NFAT5: variants seen among roughly 807,000 people sequenced by gnomAD.
NFAT5 encodes nuclear factor of activated T-cells 5.
Under a neutral mutation model 166.5 loss-of-function variants are expected in NFAT5, and 31 were observed. The observed-to-expected ratio is 0.19, with a 90% CI of 0.14 to 0.25. The LOEUF is 0.25. Ranked by LOEUF, NFAT5 falls within the 10% of genes least tolerant of loss-of-function variation. The pLI is 1.00. For missense variants in NFAT5, 1,449 were observed against 1,821.8 expected (o/e 0.80, Z 3.72); for synonymous variants, 612 against 639.7 (o/e 0.96, Z 0.65).
rs965886980 is a variant in NFAT5, at chr16:69,566,622, G to C, written c.73+248G>C. Among the ~76,000 whole-genome samples, 1 of 152,032 alleles carries C rather than the reference G, an allele frequency of 6.6e-6. No homozygotes were observed. Among genetic ancestry groups the C allele is most frequent in the African/African-American group, 2.4e-5 (1 of 41,436 alleles). ...GGGGCCCAGATTCCGTCGGCCCCCGGGGCTCTGCGGCACCGGTCGCTTCTA... is the reference window on the plus strand; with the variant it reads ...GGGGCCCAGATTCCGTCGGCCCCCGCGGCTCTGCGGCACCGGTCGCTTCTA... On this transcript the variant is annotated intron_variant, in intron 1 of 14. Coordinates refer to ENST00000349945, the MANE Select transcript of NFAT5 (RefSeq NM_138713.4). This position sits in a 1 kb window ranked among gnomAD's most constrained non-coding sequence, Gnocchi z 5.7.
intron 13 of NFAT5, 65 bp from the exon 14 acceptor site, chr16:69,695,071 T>C: frequency 8.5e-7 from 1 of 1,171,596 alleles, no homozygotes; most frequent in Non-Finnish European, 1.2e-6. Flanking sequence ...TCAGATAGCT[T>C]CTATTTTTAA....
rs570479542 is a variant in NFAT5, at chr16:69,589,911, C to A, written c.127+21363C>A. On this transcript the variant is annotated intron_variant, in intron 2 of 14. Transcript: ENST00000349945. ...GTGGCTGACATCTGTGATCCCAGCA[C>A]TTTGGGAGGCCAGGGTGGGAGGATT... Among the ~76,000 whole-genome samples the A allele has an allele frequency of 3.9e-5, 6 of 152,226 alleles. 1 individual carries two copies. Among genetic ancestry groups the A allele is most frequent in the African/African-American group, 1.4e-4 (6 of 41,546 alleles).
chr16:69,658,120 A>C (rs1241357493), intron 6 of NFAT5, among the ~76,000 whole-genome samples: 2 of 151,628 alleles, frequency 1.3e-5, no homozygotes, highest in Non-Finnish European at 2.9e-5. Flanking sequence ...TAAATAAATA[A>C]ATACATATAG....
intron 11 of NFAT5, among the ~76,000 whole-genome samples, chr16:69,686,287 A>G (rs1447452570): frequency 6.6e-6 from 1 of 151,872 alleles, no homozygotes; most frequent in Non-Finnish European, 1.5e-5. Flanking sequence ...TGGGAGGTGG[A>G]GGCTACAGTG....
chr16:69,615,044 A>ATTT (rs1266471315), intron 2 of NFAT5, among the ~76,000 whole-genome samples: 1 of 121,188 alleles, frequency 8.3e-6, no homozygotes, highest in Non-Finnish European at 1.8e-5. Context: ...TCCCAGCTAA[A>ATTT]TTTTTTTTTT....
At position 69,669,879 on chromosome 16, in the gene NFAT5, A is replaced by G. The variant is rs867585589; in HGVS notation, c.1370-98A>G. On this transcript the variant is annotated intron_variant, in intron 7 of 14. Coordinates refer to ENST00000349945, the MANE Select transcript of NFAT5 (RefSeq NM_138713.4). ...AAAAATATTTATTACTCCTCCTTCA[A>G]TAAAGACAACTCATAGAACCGGATG... The G allele has an allele frequency of 4.4e-5, 47 of 1,073,580 alleles. No homozygotes were observed. In the Middle Eastern group the frequency reaches 1.7e-3, roughly 39 times the overall value. The allele number at this position is 1,073,580 out of a possible 1,614,324, so 66.5% of individuals were successfully genotyped here. A position where few individuals can be genotyped will look rare whatever the true frequency, so the allele number is the denominator to read the frequency against.
intron 2 of NFAT5, among the ~76,000 whole-genome samples, chr16:69,584,118 C>T (rs539832334): frequency 5.9e-5 from 9 of 151,982 alleles, no homozygotes; most frequent in Admixed American, 1.3e-4. Flanking sequence ...GCCAGCTACT[C>T]GGGAGGTTGA....
intron 2 of NFAT5, among the ~76,000 whole-genome samples, chr16:69,574,728 G>A (rs1471070303): frequency 6.6e-6 from 1 of 151,672 alleles, no homozygotes; most frequent in Non-Finnish European, 1.5e-5. Flanking sequence ...GAGTGCAGTG[G>A]CACAATCTTG....
In NFAT5 at chr16:69,692,711, C is replaced by T. The variant is rs2037596566; in HGVS notation, c.2886C>T (p.Thr962=). The T allele has an allele frequency of 6.2e-7, 1 of 1,614,088 alleles. No homozygotes were observed. The highest frequency in any genetic ancestry group is 1.1e-5 in the South Asian group (1 of 91,086). The change falls in exon 13 of 15, where the codon ACC becomes ACT. Residue 962 remains threonine, a synonymous_variant. Transcript: ENST00000349945. ...CTCACATGATGAGTGCATTGTCTAC[C>T]AATGAGGATATGCAAATGCAGTGTG... The part of the protein sequence containing the change: ...QTSHMMSALS[T]NEDMQMQCEL...
At chr16:69,680,561 C>A (rs2037016072) in intron 10 of NFAT5, among the ~76,000 whole-genome samples, 1 of 152,146 alleles carries the variant, frequency 6.6e-6, no homozygotes, top group Non-Finnish European at 1.5e-5. Context: ...CTTAGGCAAT[C>A]ATTACTGTAT....
intron 10 of NFAT5, among the ~76,000 whole-genome samples, chr16:69,680,194 G>A (rs1372708546): frequency 6.6e-6 from 1 of 152,142 alleles, no homozygotes; most frequent in Non-Finnish European, 1.5e-5. Context: ...GACATTTAAT[G>A]TTTGGCAGGA....
chr16:69,567,800 A>G (rs1285447717), intron 1 of NFAT5, among the ~76,000 whole-genome samples: 1 of 152,182 alleles, frequency 6.6e-6, no homozygotes, highest in Non-Finnish European at 1.5e-5. Context: ...AAAAAAAGAG[A>G]CATATCAAGA....
chr16:69,667,838 A>G (rs2036463142), intron 7 of NFAT5, among the ~76,000 whole-genome samples: 1 of 152,210 alleles, frequency 6.6e-6, no homozygotes, highest in Non-Finnish European at 1.5e-5. Flanking sequence ...CTTTGAATAA[A>G]CTGATTTAGT....
intron 3 of NFAT5, among the ~76,000 whole-genome samples, chr16:69,637,778 G>T (rs1407575313): frequency 6.6e-6 from 1 of 152,108 alleles, no homozygotes; most frequent in Non-Finnish European, 1.5e-5. Context: ...CAGAACCTTT[G>T]TATATAAAAG....
In NFAT5 at chr16:69,703,202, C is replaced by T. The variant is rs990993376; in HGVS notation, c.*6851C>T. 14 of 152,536 alleles carry T rather than the reference C, an allele frequency of 9.2e-5. No homozygotes were observed. The highest frequency in any genetic ancestry group is 3.1e-4 in the African/African-American group (13 of 41,420). 9.4% of individuals were successfully genotyped at this position (152,536 alleles called of 1,614,324 possible). On this transcript the variant is annotated 3_prime_UTR_variant, in exon 15 of 15. Coordinates refer to ENST00000349945, the MANE Select transcript of NFAT5 (RefSeq NM_138713.4). ...TCATTCCTTGTATTTATATTTGTAT[C>T]TGAGATAGTAAACAAGATGGCTGGC...
chr16:69,629,887 G>A (rs548814151), intron 3 of NFAT5, among the ~76,000 whole-genome samples: 1 of 148,972 alleles, frequency 6.7e-6, no homozygotes, highest in South Asian at 2.1e-4. Context: ...TCCCATTTCA[G>A]TCTCCTGAGT....
chr16:69,605,786 T>C (rs1015021908), intron 2 of NFAT5, among the ~76,000 whole-genome samples: 1 of 152,058 alleles, frequency 6.6e-6, no homozygotes. Context: ...CAATCTCGGC[T>C]CACTGCAAGC....
At position 69,684,063 on chromosome 16, in the gene NFAT5, C is replaced by G. The variant is rs534903100; in HGVS notation, c.1691-824C>G. Among the ~76,000 whole-genome samples, 3 of 151,950 alleles carry G rather than the reference C, an allele frequency of 2.0e-5. No individual in the cohort carries two copies. In the East Asian group the frequency reaches 5.8e-4, roughly 30 times the overall value. ...GCAGTGAGTCAAGACTGCGCCATTG[C>G]ACTCCAGCCTGGGTAACAAGAGCGA... On this transcript the variant is annotated intron_variant, in intron 10 of 14. Transcript: ENST00000349945.
chr16:69,690,803 C>T, intron 11 of NFAT5, 137 bp from the exon 12 acceptor site: 1 of 602,634 alleles, frequency 1.7e-6, no homozygotes, highest in Non-Finnish European at 2.6e-6. Flanking sequence ...CTTAATATAC[C>T]AGGTTTGTAT....
Sources: allele counts gnomAD v4.1 joint callset (sites outside exome capture counted in the v4.1 genomes callset), GRCh38; gene constraint gnomAD v4.1.1; non-coding constraint Gnocchi (gnomAD v3.1); transcripts MANE v1.5; gene names NCBI Gene and HGNC (gene_info 2026-07-23, HGNC 2026-07-21).